The following PIP5K1C variants were observed in gnomAD, a reference collection of about 807,000 sequenced individuals.
The protein encoded by PIP5K1C is phosphatidylinositol-4-phosphate 5-kinase type 1 gamma.
PIP5K1C carries 45 observed loss-of-function variants against 80.1 expected under a neutral mutation model. The observed-to-expected ratio is 0.56, with a 90% CI of 0.44 to 0.72. PIP5K1C has a LOEUF of 0.72. PIP5K1C is among the 30% of genes least tolerant of loss of function. The pLI is 0.00. For synonymous variants in PIP5K1C, 498 were observed against 420.1 expected, an observed-to-expected ratio of 1.19 and a Z score of -2.27; for missense variants, 753 against 954.6, an observed-to-expected ratio of 0.79 and a Z score of 2.78.
chr19:3,677,207 G>A (rs1308653431), intron 1 of PIP5K1C, among the ~76,000 whole-genome samples: 1 of 152,224 alleles, frequency 6.6e-6, no homozygotes, highest in Non-Finnish European at 1.5e-5. Context: ...GTGGCTGTGA[G>A]AGCCGCCACT....
rs913263980 is a variant in PIP5K1C at position 3,696,274 on chromosome 19, C to T, written c.94+4023G>A. On this transcript the variant is annotated intron_variant, in intron 1 of 17. Transcript: ENST00000335312. The surrounding 1 kb of genome is among the most constrained non-coding windows in gnomAD (Gnocchi z 4.1). ...CCTCCCTGGCACTGCTGGCCTCATG[C>T]ACCTGATGTTCACCAGGATCTGCAC... 2.6e-5 allele frequency among the ~76,000 whole-genome samples: 4 copies of T among 152,258 alleles called. No homozygotes were observed. Among genetic ancestry groups the T allele is most frequent in the African/African-American group, 9.6e-5 (4 of 41,472 alleles).
chr19:3,650,031 C>A, intron 8 of PIP5K1C: 1 of 169,150 alleles, frequency 5.9e-6, no homozygotes. Flanking sequence ...ACCCTACAAA[C>A]GCCAGGATGG....
At position 3,688,128 on chromosome 19, in the gene PIP5K1C, A is replaced by T. The variant is rs1383084536; in HGVS notation, c.94+12169T>A. Among the ~76,000 whole-genome samples, 1 of 152,058 alleles carries T rather than the reference A, an allele frequency of 6.6e-6. No homozygotes were observed. The highest frequency in any genetic ancestry group is 1.5e-5 in the Non-Finnish European group (1 of 67,980). ...CTGCGGGAGATCCTGATGGGCCCCG[A>T]GCTGAGGCTCCCGCAGCCAGGGTCT... On this transcript the variant is annotated intron_variant, in intron 1 of 17. Coordinates refer to ENST00000335312, the MANE Select transcript of PIP5K1C (RefSeq NM_012398.3). This position sits in a 1 kb window ranked among gnomAD's most constrained non-coding sequence, Gnocchi z 5.3.
At chr19:3,694,558 G>A (rs965107431) in intron 1 of PIP5K1C, among the ~76,000 whole-genome samples, 3 of 152,192 alleles carry the variant, frequency 2.0e-5, no homozygotes, top group African/African-American at 4.8e-5. Context: ...CACTGCCCAC[G>A]GACCATCCCC....
chr19:3,633,225 C>T (rs906627008), intron 17 of PIP5K1C, 56 bp from the exon 18 acceptor site: 3 of 737,720 alleles, frequency 4.1e-6, no homozygotes, highest in Non-Finnish European at 7.6e-6. Flanking sequence ...ACCCCAGGCC[C>T]CCTGCCAGGG....
intron 5 of PIP5K1C, among the ~76,000 whole-genome samples, chr19:3,658,160 C>T (rs549686998): frequency 5.1e-4 from 78 of 152,340 alleles, no homozygotes; most frequent in African/African-American, 1.9e-3. Flanking sequence ...GCCCGAGGTG[C>T]TCTCGGGCCA....
intron 14 of PIP5K1C, among the ~76,000 whole-genome samples, chr19:3,642,018 C>A (rs982294111): frequency 1.3e-5 from 2 of 152,158 alleles, no homozygotes; most frequent in Non-Finnish European, 2.9e-5. Context: ...TGGGGTGTAG[C>A]GGGCTCTGGG....
chr19:3,637,346 G>C lies in PIP5K1C; in HGVS notation c.1920+1538C>G, dbSNP rs1008647026. The C allele has an allele frequency of 1.1e-5, 17 of 1,534,490 alleles. No individual in the cohort carries two copies. The African/African-American group carries it at 2.1e-4, about 19-fold the overall frequency. Reference sequence around the variant, plus strand: ...GACGTGGGACCGAATGACATTCCCAGTGACGCATGCAGCCCAGCGCCTGGT... The same window carrying C: ...GACGTGGGACCGAATGACATTCCCACTGACGCATGCAGCCCAGCGCCTGGT... On this transcript the variant is annotated intron_variant, in intron 16 of 17. Coordinates refer to ENST00000335312, the MANE Select transcript of PIP5K1C (RefSeq NM_012398.3). The surrounding 1 kb of genome is among the most constrained non-coding windows in gnomAD (Gnocchi z 7.0).
intron 12 of PIP5K1C, among the ~76,000 whole-genome samples, chr19:3,643,739 G>A (rs1005690974): frequency 7.1e-6 from 1 of 140,538 alleles, no homozygotes; most frequent in African/African-American, 2.6e-5. Context: ...TCCCTCAGCA[G>A]GTGTGGTCCT....
At chr19:3,690,730 G>C (rs1322833840) in intron 1 of PIP5K1C, among the ~76,000 whole-genome samples, 1 of 152,196 alleles carries the variant, frequency 6.6e-6, no homozygotes, top group African/African-American at 2.4e-5. Context: ...TAAATGAGTA[G>C]CTGCCATAAC....
chr19:3,668,754 G>A (rs925033807), intron 1 of PIP5K1C, among the ~76,000 whole-genome samples: 1 of 152,174 alleles, frequency 6.6e-6, no homozygotes. Context: ...GATGTGGGGT[G>A]ACAGGCGGGG....
chr19:3,677,379 T>TA (rs2035392290), intron 1 of PIP5K1C, among the ~76,000 whole-genome samples: 1 of 152,174 alleles, frequency 6.6e-6, no homozygotes, highest in South Asian at 2.1e-4. Flanking sequence ...GCCCAGGAGT[T>TA]AGAGACCAGC....
rs1352985487 is a variant in PIP5K1C, at chr19:3,696,706, A to AGGGGAGGG, written c.94+3590_94+3591insCCCTCCCC. ...CCCATGGGCCTACAGCAGAGTGCAG[A>AGGGGAGGG]CGGGAGGGCAGGGAGGGCAGAGTGC... On this transcript the variant is annotated intron_variant, in intron 1 of 17. Coordinates refer to ENST00000335312, the MANE Select transcript of PIP5K1C (RefSeq NM_012398.3). The surrounding 1 kb of genome is among the most constrained non-coding windows in gnomAD (Gnocchi z 4.1). Among the ~76,000 whole-genome samples the AGGGGAGGG allele has an allele frequency of 1.9e-4, 18 of 96,094 alleles. 1 individual carries two copies. The highest frequency in any genetic ancestry group is 6.6e-4 in the African/African-American group (14 of 21,078). The allele number at this position is 96,094 out of a possible 152,430, so 63.0% of individuals were successfully genotyped here. A position where few individuals can be genotyped will look rare whatever the true frequency, so the allele number is the denominator to read the frequency against.
rs879201409 is a variant in PIP5K1C at position 3,637,666 on chromosome 19, G to A, written c.1920+1218C>T. 118 of 1,510,510 alleles carry A rather than the reference G, an allele frequency of 7.8e-5. No individual in the cohort carries two copies. The highest frequency in any genetic ancestry group is 3.1e-4 in the South Asian group (25 of 80,122). 93.6% of individuals were successfully genotyped at this position (1,510,510 alleles called of 1,614,324 possible). ...AGGAGGAAGGAAAACAGAGGACAGCGGATGAGGCGGCCACCCCCGTGGTCG... is the reference window on the plus strand; with the variant it reads ...AGGAGGAAGGAAAACAGAGGACAGCAGATGAGGCGGCCACCCCCGTGGTCG... On this transcript the variant is annotated intron_variant, in intron 16 of 17. Coordinates refer to ENST00000335312, the MANE Select transcript of PIP5K1C (RefSeq NM_012398.3). The surrounding 1 kb of genome is among the most constrained non-coding windows in gnomAD (Gnocchi z 7.0).
At chr19:3,655,821 G>A (rs926254804) in intron 6 of PIP5K1C, among the ~76,000 whole-genome samples, 2 of 152,196 alleles carry the variant, frequency 1.3e-5, no homozygotes, top group Non-Finnish European at 2.9e-5. Context: ...TCGTCTGGGC[G>A]AGTACCGGAA....
intron 1 of PIP5K1C, among the ~76,000 whole-genome samples, chr19:3,682,488 C>A (rs1456247892): frequency 6.6e-6 from 1 of 151,742 alleles, no homozygotes; most frequent in African/African-American, 2.4e-5. Flanking sequence ...CAGACCAGAC[C>A]GAGCAACATA....
chr19:3,648,547 G>GCTGCAGACCCGGGCGCCCACCTGTGGGA lies in PIP5K1C; in HGVS notation c.1211+50_1211+77dup. On this transcript the variant is annotated intron_variant, in intron 9 of 17. Coordinates refer to ENST00000335312, the MANE Select transcript of PIP5K1C (RefSeq NM_012398.3). The surrounding 1 kb of genome is among the most constrained non-coding windows in gnomAD (Gnocchi z 4.3). ...GCAGACCCGGGCGCCCACCTGTGGG[G>GCTGCAGACCCGGGCGCCCACCTGTGGGA]CTGCAGACCCGGGCGCCCACCTGTG... The GCTGCAGACCCGGGCGCCCACCTGTGGGA allele has an allele frequency of 9.8e-6, 6 of 610,322 alleles. No homozygotes were observed. Among genetic ancestry groups the GCTGCAGACCCGGGCGCCCACCTGTGGGA allele is most frequent in the East Asian group, 7.8e-5 (3 of 38,472 alleles). The allele number at this position is 610,322 out of a possible 1,614,324, so 37.8% of individuals were successfully genotyped here.
At chr19:3,676,617 T>G (rs987205168) in intron 1 of PIP5K1C, among the ~76,000 whole-genome samples, 39 of 152,124 alleles carry the variant, frequency 2.6e-4, no homozygotes, top group Non-Finnish European at 4.4e-5. Context: ...TGCCACCTAA[T>G]TCATGATCAC....
chr19:3,644,560 C>G (rs1303810534), intron 11 of PIP5K1C, among the ~76,000 whole-genome samples: 1 of 152,320 alleles, frequency 6.6e-6, no homozygotes, highest in Non-Finnish European at 1.5e-5. Flanking sequence ...GCCAGGGATG[C>G]CTGCAGGCTT....
Sources: allele counts gnomAD v4.1 joint callset (sites outside exome capture counted in the v4.1 genomes callset), GRCh38; gene constraint gnomAD v4.1.1; non-coding constraint Gnocchi (gnomAD v3.1); transcripts MANE v1.5; gene names NCBI Gene and HGNC (gene_info 2026-07-23, HGNC 2026-07-21).